The following DMD variants were observed in gnomAD, a reference collection of about 807,000 sequenced individuals.
DMD encodes the protein dystrophin.
A neutral mutation model predicts 330.1 loss-of-function variants in DMD; 63 were observed. That is an observed-to-expected ratio of 0.19 (90% CI 0.16 to 0.24). DMD has a LOEUF of 0.24. DMD is among the 10% of genes least tolerant of loss of function. The pLI is 1.00. For missense variants in DMD, 3,344 were observed against 2,684.1 expected, an observed-to-expected ratio of 1.25 and a Z score of -5.43; for synonymous variants, 1,223 against 959.8, an observed-to-expected ratio of 1.27 and a Z score of -5.07.
chrX:31,547,580 C>T (rs1049588415), intron 55 of DMD, among the ~76,000 whole-genome samples: 23 of 111,706 alleles, frequency 2.1e-4, no homozygotes, highest in African/African-American at 7.5e-4. Context: ...CTAAAACCAC[C>T]CCACACTAGG....
At position 32,046,860 on chromosome X, in the gene DMD, T is replaced by C. The variant is rs556164368; in HGVS notation, c.6439-78346A>G. On this transcript the variant is annotated intron_variant, in intron 44 of 78. Transcript: ENST00000357033. Reference sequence around the variant, plus strand: ...TGTGGGAAATTGACTTGAACAGATGTTTTGGTTTCACATTAAATCTACAAA... The same window carrying C: ...TGTGGGAAATTGACTTGAACAGATGCTTTGGTTTCACATTAAATCTACAAA... 7.1e-5 allele frequency among the ~76,000 whole-genome samples: 8 copies of C among 111,927 alleles called. No homozygotes were observed. The East Asian group carries it at 1.4e-3, about 20-fold the overall frequency.
At chrX:31,528,351 T>C (rs951178413) in intron 55 of DMD, among the ~76,000 whole-genome samples, 2 of 112,408 alleles carry the variant, frequency 1.8e-5, no homozygotes, top group Non-Finnish European at 3.8e-5. Context: ...GATTCAACAG[T>C]TTCATAACAT....
At chrX:32,861,706 T>C (rs750892813) in intron 2 of DMD, among the ~76,000 whole-genome samples, 11 of 111,595 alleles carry the variant, frequency 9.9e-5, no homozygotes, top group Non-Finnish European at 1.3e-4. Flanking sequence ...CTTTCCTCTC[T>C]CCCTCTCTTA....
intron 51 of DMD, among the ~76,000 whole-genome samples, chrX:31,762,477 G>A (rs191170739): frequency 9.0e-6 from 1 of 111,603 alleles, no homozygotes; most frequent in East Asian, 2.8e-4. Flanking sequence ...GCTGAGGCAG[G>A]AGAATCCCTT....
intron 12 of DMD, among the ~76,000 whole-genome samples, chrX:32,609,421 C>CT (rs1390501120): frequency 2.7e-4 from 30 of 110,916 alleles, no homozygotes; most frequent in Non-Finnish European, 1.1e-4. Context: ...CATGATCACC[C>CT]TCCATGATCA....
chrX:33,249,477 T>C (rs953314797), intron 1 of DMD, among the ~76,000 whole-genome samples: 40 of 111,960 alleles, frequency 3.6e-4, no homozygotes, highest in African/African-American at 1.3e-3. Context: ...ATTCAAATTA[T>C]GTAGCATTTA....
intron 2 of DMD, among the ~76,000 whole-genome samples, chrX:32,928,023 C>A (rs759622329): frequency 1.5e-4 from 17 of 110,584 alleles, no homozygotes; most frequent in African/African-American, 5.2e-4. Context: ...TATATATAAT[C>A]AATTGTATGC....
chrX:32,527,480 C>G (rs1330769725), intron 17 of DMD, among the ~76,000 whole-genome samples: 1 of 110,331 alleles, frequency 9.1e-6, no homozygotes, highest in South Asian at 3.9e-4. Context: ...GTTCAAGATG[C>G]ACATCATCTG....
chrX:32,478,455 A>C (rs190912639), intron 21 of DMD, among the ~76,000 whole-genome samples: 5 of 111,861 alleles, frequency 4.5e-5, no homozygotes, highest in African/African-American at 1.6e-4. Flanking sequence ...CCATGACAAA[A>C]GTAAGCATTT....
chrX:32,033,841 T>C (rs2095916091), intron 44 of DMD, among the ~76,000 whole-genome samples: 1 of 111,963 alleles, frequency 8.9e-6, no homozygotes, highest in South Asian at 3.7e-4. Context: ...ATATTAAATA[T>C]GTGGCATGCA....
chrX:33,037,778 G>C (rs1200777655), intron 1 of DMD, among the ~76,000 whole-genome samples: 1 of 112,094 alleles, frequency 8.9e-6, no homozygotes, highest in East Asian at 2.8e-4. Flanking sequence ...AAACATGAGA[G>C]GGAGCATAGC....
At chrX:31,440,175 T>C (rs1457880272) in intron 60 of DMD, among the ~76,000 whole-genome samples, 9 of 106,972 alleles carry the variant, frequency 8.4e-5, no homozygotes, top group Non-Finnish European at 1.4e-4. Context: ...GGAAATGGTG[T>C]CTTGCTCTGT....
At chrX:31,774,993 C>CTGCCCTAGG (rs913912454) in intron 50 of DMD, among the ~76,000 whole-genome samples, 11 of 111,566 alleles carry the variant, frequency 9.9e-5, no homozygotes, top group Non-Finnish European at 1.1e-4. Flanking sequence ...ATCCTGTTCT[C>CTGCCCTAGG]TGCCCTAGGA....
intron 48 of DMD, among the ~76,000 whole-genome samples, chrX:31,855,482 AC>A (rs2093599718): frequency 8.9e-6 from 1 of 112,444 alleles, no homozygotes; most frequent in Non-Finnish European, 1.9e-5. Flanking sequence ...ATTATTAAAC[AC>A]TAGAAGTTGC....
At chrX:32,146,929 C>G (rs932702036) in intron 44 of DMD, among the ~76,000 whole-genome samples, 3 of 112,392 alleles carry the variant, frequency 2.7e-5, no homozygotes, top group African/African-American at 9.7e-5. Context: ...GAACAACTGA[C>G]AGCAGAGTAT....
At chrX:32,145,501 C>T (rs2096774156) in intron 44 of DMD, among the ~76,000 whole-genome samples, 2 of 112,199 alleles carry the variant, frequency 1.8e-5, no homozygotes, top group African/African-American at 6.5e-5. Flanking sequence ...TGTCTGAAAG[C>T]TTCTTGCTCT....
chrX:32,905,419 T>C (rs1390229866), intron 2 of DMD, among the ~76,000 whole-genome samples: 1 of 111,615 alleles, frequency 9.0e-6, no homozygotes, highest in Non-Finnish European at 1.9e-5. Context: ...CTTTTTGCTA[T>C]TGATATTCAA....
chrX:31,747,822 T>C (rs1157411891), intron 51 of DMD, among the ~76,000 whole-genome samples: 1 of 112,182 alleles, frequency 8.9e-6, no homozygotes, highest in African/African-American at 3.2e-5. Context: ...TTAAGTTTAA[T>C]TTTCTGTTTT....
At chrX:33,312,917 G>A (rs1396526722) in intron 1 of DMD, among the ~76,000 whole-genome samples, 2 of 111,159 alleles carry the variant, frequency 1.8e-5, no homozygotes, top group Non-Finnish European at 3.8e-5. Flanking sequence ...TCACCATCAT[G>A]CTTGGGGCCA....
Sources: allele counts gnomAD v4.1 joint callset (sites outside exome capture counted in the v4.1 genomes callset), GRCh38; gene constraint gnomAD v4.1.1; transcripts MANE v1.5; gene names NCBI Gene and HGNC (gene_info 2026-07-23, HGNC 2026-07-21).